Variants in LRIG3 observed in about 807,000 individuals in gnomAD.
LRIG3 encodes leucine rich repeats and immunoglobulin like domains 3, also known as leucine-rich repeats and immunoglobulin-like domains protein 3.
LRIG3 carries 76 observed loss-of-function variants against 114.5 expected under a neutral mutation model. That is an observed-to-expected ratio of 0.66 (90% CI 0.55 to 0.80). The LOEUF (loss-of-function observed/expected upper bound fraction) is 0.80, where lower values mean the gene tolerates loss of function less well. LRIG3 is among the 30% of genes least tolerant of loss of function. The probability of loss-of-function intolerance (pLI) is 0.00; values close to 1 mark genes in which losing one functional copy is unlikely to be tolerated. For synonymous variants in LRIG3, 512 were observed against 519.8 expected, an observed-to-expected ratio of 0.98 and a Z score of 0.20; for missense variants, 1,239 against 1,382.8, an observed-to-expected ratio of 0.90 and a Z score of 1.65.
At chr12:58,907,353 C>T (rs1872104288) in intron 3 of LRIG3, among the ~76,000 whole-genome samples, 1 of 152,162 alleles carries the variant, frequency 6.6e-6, no homozygotes. Flanking sequence ...TAATTGAGTA[C>T]CCACCAAAAT....
intron 3 of LRIG3, among the ~76,000 whole-genome samples, chr12:58,908,674 C>T (rs965711960): frequency 4.6e-5 from 7 of 152,156 alleles, no homozygotes; most frequent in African/African-American, 1.2e-4. Context: ...TTATGTAAAA[C>T]GTAGGTATGC....
intron 10 of LRIG3, among the ~76,000 whole-genome samples, 187 bp from the exon 11 acceptor site, chr12:58,883,778 T>C (rs1173267638): frequency 6.6e-6 from 1 of 152,212 alleles, no homozygotes; most frequent in Non-Finnish European, 1.5e-5. Context: ...AGGGCATTTG[T>C]ATCACAGATA....
At position 58,920,119 on chromosome 12, in the gene LRIG3, A is replaced by G; in HGVS notation, c.117T>C (p.Ser39=). 3.2e-6 allele frequency: 5 copies of G among 1,548,422 alleles called. No homozygotes were observed. Among genetic ancestry groups the G allele is most frequent in the Non-Finnish European group, 3.5e-6 (4 of 1,147,338 alleles). ...GGCATGGGCGCTCGGCGGCTACCCC[A>G]GAGGGCTGCCCGAGTTCCCCGCGAC... ...SGGRGELGQP[S]GVAAERPCPT... Residue 39 remains serine, a synonymous_variant, in exon 1 of 19, where the codon TCT becomes TCC. Coordinates refer to ENST00000320743, the MANE Select transcript of LRIG3 (RefSeq NM_153377.5).
intron 1 of LRIG3, among the ~76,000 whole-genome samples, chr12:58,914,851 G>A (rs954189340): frequency 6.6e-6 from 1 of 152,210 alleles, no homozygotes; most frequent in African/African-American, 2.4e-5. Flanking sequence ...ATTATTTTGT[G>A]TGTGAGTGTT....
Position 58,887,825 on chromosome 12 carries a change from T to A in LRIG3, c.1055A>T (p.Asp352Val), listed in dbSNP as rs1393000302. 2 of 1,613,678 alleles carry A rather than the reference T, an allele frequency of 1.2e-6. No individual in the cohort carries two copies. Among genetic ancestry groups the A allele is most frequent in the Admixed American group, 3.3e-5 (2 of 59,988 alleles). The change falls in exon 8 of 19, where the codon GAT becomes GTT. Residue 352 changes from aspartate (D) to valine (V), a missense_variant. Coordinates refer to ENST00000320743, the MANE Select transcript of LRIG3 (RefSeq NM_153377.5). ...ACTGGAAAGCCCCCGGAAGGCACAA[T>A]CAGCAATGTAGCTGACTCTGTTGTT... ...IGNNRVSYIA[D>V]CAFRGLSSLK...
In LRIG3 at chr12:58,885,860, G is replaced by C; in HGVS notation, c.1215C>G (p.Ala405=). Residue 405 remains alanine (A), a synonymous_variant, in exon 10 of 19, where the codon GCC becomes GCG. Transcript: ENST00000320743. ...GNRIRSITKK[A]FTGLDALEHL... ...GCTCCAATGCATCCAAACCAGTGAAGGCTTTTTTAGTAATAGAACGGATCC... is the reference window on the plus strand; with the variant it reads ...GCTCCAATGCATCCAAACCAGTGAACGCTTTTTTAGTAATAGAACGGATCC... The C allele has an allele frequency of 6.3e-7, 1 of 1,591,412 alleles. No homozygotes were observed. Among genetic ancestry groups the C allele is most frequent in the South Asian group, 1.1e-5 (1 of 89,402 alleles).
At chr12:58,898,358 G>A (rs1033216909) in intron 3 of LRIG3, among the ~76,000 whole-genome samples, 1 of 152,188 alleles carries the variant, frequency 6.6e-6, no homozygotes, top group Admixed American at 6.5e-5. Flanking sequence ...AGATCTGGAT[G>A]AGAAACACTG....
At chr12:58,875,768 G>A (rs114331190) in intron 16 of LRIG3, among the ~76,000 whole-genome samples, 1,697 of 152,306 alleles carry the variant, frequency 0.011, 39 homozygotes, top group African/African-American at 0.038. Context: ...GGCTGGGTGC[G>A]GTGGCTCACG....
chr12:58,898,601 G>A (rs1296244200), intron 3 of LRIG3, among the ~76,000 whole-genome samples: 1 of 152,016 alleles, frequency 6.6e-6, no homozygotes, highest in Non-Finnish European at 1.5e-5. Context: ...CTTCATGTTT[G>A]AAAATATCTT....
rs201191928 is a variant in LRIG3, at chr12:58,911,291, C to T, written c.383+2691G>A. ...CGGTACCCTTTGATCTAATTATCAG[C>T]TCCTGGCTCCTATAGCTAAGAGAAG... On this transcript the variant is annotated intron_variant, in intron 3 of 18. Coordinates refer to ENST00000320743, the MANE Select transcript of LRIG3 (RefSeq NM_153377.5). Among the ~76,000 whole-genome samples the T allele has an allele frequency of 3.0e-4, 46 of 152,268 alleles. No homozygotes were observed. The East Asian group carries it at 5.8e-3, about 19-fold the overall frequency.
At chr12:58,912,245 C>A (rs949199158) in intron 3 of LRIG3, among the ~76,000 whole-genome samples, 3 of 152,120 alleles carry the variant, frequency 2.0e-5, no homozygotes, top group African/African-American at 4.8e-5. Flanking sequence ...ACCTGCAATC[C>A]CAACACTTTG....
intron 1 of LRIG3, among the ~76,000 whole-genome samples, chr12:58,918,509 T>C (rs1453750966): frequency 6.6e-6 from 1 of 152,236 alleles, no homozygotes; most frequent in Non-Finnish European, 1.5e-5. Context: ...ACAAGTTAGA[T>C]GCCGTGAATA....
chr12:58,896,066 G>A (rs1871632197), intron 3 of LRIG3, among the ~76,000 whole-genome samples: 1 of 152,198 alleles, frequency 6.6e-6, no homozygotes, highest in South Asian at 2.1e-4. Flanking sequence ...GTGCTCAGGT[G>A]TGAGATGCTA....
At position 58,872,824 on chromosome 12, in the gene LRIG3, A is replaced by T. The variant is rs756374172; in HGVS notation, c.3116-8T>A. ...GAGCTTTTCCAAAGGTACCTGAAAG[A>T]AAGAAACACCTTGAGCACATGGGTC... On this transcript the variant is annotated splice_polypyrimidine_tract_variant and splice_region_variant and intron_variant, in intron 18 of 18. Transcript: ENST00000320743. 25 of 1,608,786 alleles carry T rather than the reference A, an allele frequency of 1.6e-5. No homozygotes were observed. The Admixed American group carries it at 4.0e-4, about 26-fold the overall frequency.
intron 3 of LRIG3, among the ~76,000 whole-genome samples, chr12:58,901,798 G>A (rs1268442595): frequency 3.3e-5 from 5 of 152,144 alleles, no homozygotes; most frequent in African/African-American, 1.2e-4. Context: ...TCTGCTTAAC[G>A]TATAACAAGA....
At position 58,888,477 on chromosome 12, in the gene LRIG3, A is replaced by G. The variant is rs1408971878; in HGVS notation, c.804-5T>C. On this transcript the variant is annotated splice_region_variant and splice_polypyrimidine_tract_variant and intron_variant, in intron 6 of 18. Transcript: ENST00000320743. ...AGGTTGTTATGGTCCAGCTGCCTAC[A>G]TTTACAGTAAGAATCAAAAGCAGGA... The G allele has an allele frequency of 6.2e-7, 1 of 1,611,704 alleles. No individual in the cohort carries two copies. Among genetic ancestry groups the G allele is most frequent in the Non-Finnish European group, 8.5e-7 (1 of 1,178,198 alleles).
chr12:58,888,462 G>A lies in LRIG3; in HGVS notation c.814C>T (p.His272Tyr), dbSNP rs753307067. The A allele has an allele frequency of 6.2e-7, 1 of 1,613,088 alleles. No individual in the cohort carries two copies. The highest frequency in any genetic ancestry group is 8.5e-7 in the Non-Finnish European group (1 of 1,179,282). Residue 272 changes from histidine to tyrosine, a missense_variant, in exon 7 of 19, where the codon CAT (histidine) becomes TAT (tyrosine). By Grantham distance (83) the His-to-Tyr change is moderately conservative. Coordinates refer to ENST00000320743, the MANE Select transcript of LRIG3 (RefSeq NM_153377.5). Reference sequence around the variant, plus strand: ...TTGGTAATCTCTGTTAGGTTGTTATGGTCCAGCTGCCTACATTTACAGTAA... The same window carrying A: ...TTGGTAATCTCTGTTAGGTTGTTATAGTCCAGCTGCCTACATTTACAGTAA... The part of the protein sequence containing the change: ...LSNMEILQLD[H>Y]NNLTEITKGW...
intron 3 of LRIG3, among the ~76,000 whole-genome samples, chr12:58,892,575 T>TTA (rs1431357618): frequency 6.6e-6 from 1 of 152,192 alleles, no homozygotes; most frequent in African/African-American, 2.4e-5. Context: ...GACGTCAAAC[T>TTA]TACACCACTG....
chr12:58,888,515 T>A (rs1160969601), intron 6 of LRIG3, 43 bp from the exon 7 acceptor site: 37 of 1,604,250 alleles, frequency 2.3e-5, no homozygotes, highest in Non-Finnish European at 3.2e-5. Flanking sequence ...AAAACTTCAT[T>A]ATCTAGTCTC....
Sources: allele counts gnomAD v4.1 joint callset (sites outside exome capture counted in the v4.1 genomes callset), GRCh38; gene constraint gnomAD v4.1.1; transcripts MANE v1.5; gene names NCBI Gene and HGNC (gene_info 2026-07-23, HGNC 2026-07-21).